EXTL3: variants seen among roughly 807,000 people sequenced by gnomAD.
EXTL3 encodes the protein exostosin like glycosyltransferase 3.
Under a neutral mutation model 69.3 loss-of-function variants are expected in EXTL3, and 27 were observed. That is an observed-to-expected ratio of 0.39 (90% CI 0.29 to 0.54). The LOEUF is 0.54. EXTL3 is among the 20% of genes least tolerant of loss of function. The pLI is 0.69. For synonymous variants in EXTL3, 511 were observed against 499.4 expected (o/e 1.02, Z -0.31); for missense variants, 1,003 against 1,231.8 (o/e 0.81, Z 2.78).
At chr8:28,618,838 A>C (rs1806362530), upstream of EXTL3, among the ~76,000 whole-genome samples, 1 of 151,790 alleles carries the variant, frequency 6.6e-6, no homozygotes, top group African/African-American at 2.4e-5. Context: ...TAATCCCAGC[A>C]CTTTGGGAGG....
intron 4 of EXTL3, among the ~76,000 whole-genome samples, chr8:28,731,634 GCAGGTGTATCATCCTTAAATC>G (rs528039354): frequency 2.4e-4 from 36 of 152,292 alleles, no homozygotes; most frequent in Middle Eastern, 3.4e-3. Flanking sequence ...TCCTGGTGCT[GCAGGTGTATCATCCTTAAATC>G]CAAACCACAT....
chr8:28,652,396 C>G (rs1341031518), intron 1 of EXTL3, among the ~76,000 whole-genome samples: 1 of 152,038 alleles, frequency 6.6e-6, no homozygotes, highest in African/African-American at 2.4e-5. Flanking sequence ...GTGGCTCATG[C>G]CTGTAAACCC....
intron 1 of EXTL3, among the ~76,000 whole-genome samples, chr8:28,652,039 CTGTG>C (rs34231513): frequency 1.4e-5 from 2 of 145,118 alleles, no homozygotes; most frequent in African/African-American, 5.4e-5. Flanking sequence ...GTGTGTGTGT[CTGTG>C]TGTGTGTGTG....
At chr8:28,626,193 A>G (rs543594576) in intron 1 of EXTL3, among the ~76,000 whole-genome samples, 9 of 151,742 alleles carry the variant, frequency 5.9e-5, no homozygotes, top group Non-Finnish European at 1.2e-4. Context: ...AAATTAAACT[A>G]AAAAAATTTT....
chr8:28,702,161 G>GC (rs968451872), intron 1 of EXTL3, among the ~76,000 whole-genome samples: 1 of 151,804 alleles, frequency 6.6e-6, no homozygotes, highest in Admixed American at 6.6e-5. Context: ...TCCCACATCT[G>GC]CCCCCCGCTT....
Position 28,670,746 on chromosome 8 carries a change from G to A in EXTL3, c.-52-42711G>A, listed in dbSNP as rs74770558. On this transcript the variant is annotated intron_variant, in intron 1 of 6. Transcript: ENST00000523149. ...CACAGCAGGCTTTACTCAGTCTCTC[G>A]ATTCCAATGTTAATGTCATCCCCAG... 6.2e-4 allele frequency among the ~76,000 whole-genome samples: 95 copies of A among 152,250 alleles called. 2 individuals carry two copies. In the East Asian group the frequency reaches 0.012, roughly 20 times the overall value.
At chr8:28,749,623 TTTCATTCA>T (rs139624117) in intron 6 of EXTL3, among the ~76,000 whole-genome samples, 43,324 of 150,478 alleles carry the variant, frequency 0.29, 6,318 homozygotes, top group African/African-American at 0.36. Context: ...CCTCTGAGGA[TTTCATTCA>T]TTCATTCATT....
At chr8:28,650,095 G>T (rs1038416420) in intron 1 of EXTL3, among the ~76,000 whole-genome samples, 81 of 150,942 alleles carry the variant, frequency 5.4e-4, no homozygotes, top group Non-Finnish European at 1.6e-4. Flanking sequence ...ACTCTGGAGG[G>T]TGAGGCAGGA....
At chr8:28,709,162 G>C (rs1025572511) in intron 1 of EXTL3, among the ~76,000 whole-genome samples, 12 of 152,180 alleles carry the variant, frequency 7.9e-5, no homozygotes, top group African/African-American at 2.9e-4. Flanking sequence ...CACATAACAT[G>C]GGTGACCCAT....
chr8:28,682,739 C>T (rs1243036677), intron 1 of EXTL3, among the ~76,000 whole-genome samples: 1 of 152,178 alleles, frequency 6.6e-6, no homozygotes, highest in African/African-American at 2.4e-5. Context: ...TCACTGCACC[C>T]AGGCTGCGGC....
Position 28,686,387 on chromosome 8 carries a change from C to G in EXTL3, c.-52-27070C>G, listed in dbSNP as rs756130033. ...TGAACCACTTAAGAATAGGTATCAC[C>G]CTTTATATGATAGTTTTTGAAGTGG... On this transcript the variant is annotated intron_variant, in intron 1 of 6. Transcript: ENST00000523149. Among the ~76,000 whole-genome samples, 4 of 151,726 alleles carry G rather than the reference C, an allele frequency of 2.6e-5. No homozygotes were observed. The South Asian group carries it at 8.3e-4, about 32-fold the overall frequency.
intron 1 of EXTL3, among the ~76,000 whole-genome samples, chr8:28,636,893 C>A (rs1049288570): frequency 5.9e-5 from 9 of 151,918 alleles, no homozygotes; most frequent in African/African-American, 1.9e-4. Flanking sequence ...TGCCTGTAAT[C>A]CCGGCTTGAA....
At chr8:28,679,729 TA>T (rs33956566) in intron 1 of EXTL3, among the ~76,000 whole-genome samples, 100,210 of 140,638 alleles carry the variant, frequency 0.71, 34,995 homozygotes, top group Admixed American at 0.73. Context: ...CCCTACCTCT[TA>T]AAAAAAAAAA....
chr8:28,634,286 C>A (rs191337403), intron 1 of EXTL3, among the ~76,000 whole-genome samples: 1 of 152,240 alleles, frequency 6.6e-6, no homozygotes, highest in Admixed American at 6.5e-5. Context: ...GTCCAAAGTT[C>A]TTCATTGTTC....
At chr8:28,659,084 A>G (rs1480161540) in intron 1 of EXTL3, among the ~76,000 whole-genome samples, 2 of 152,236 alleles carry the variant, frequency 1.3e-5, no homozygotes, top group African/African-American at 2.4e-5. Context: ...TACCAGGTCA[A>G]AGGAGATACT....
chr8:28,705,802 G>T (rs1483894114), intron 1 of EXTL3, among the ~76,000 whole-genome samples: 1 of 152,160 alleles, frequency 6.6e-6, no homozygotes, highest in Non-Finnish European at 1.5e-5. Context: ...GACCTTATTT[G>T]AAAACCTTGT....
intron 6 of EXTL3, among the ~76,000 whole-genome samples, chr8:28,744,458 G>C (rs1801842766): frequency 6.6e-6 from 1 of 151,974 alleles, no homozygotes; most frequent in South Asian, 2.1e-4. Context: ...AGGAGTTCGT[G>C]AGCAGCCTGG....
chr8:28,684,382 A>T (rs935844424), intron 1 of EXTL3, among the ~76,000 whole-genome samples: 2 of 152,124 alleles, frequency 1.3e-5, no homozygotes, highest in Admixed American at 1.3e-4. Context: ...ACTATCTATC[A>T]TCAGTGCTTT....
intron 1 of EXTL3, among the ~76,000 whole-genome samples, chr8:28,683,459 T>G (rs1807524916): frequency 6.6e-6 from 1 of 152,156 alleles, no homozygotes; most frequent in Non-Finnish European, 1.5e-5. Flanking sequence ...CCTCAAACAT[T>G]TATCCTTTAT....
Sources: allele counts gnomAD v4.1 joint callset (sites outside exome capture counted in the v4.1 genomes callset), GRCh38; gene constraint gnomAD v4.1.1; transcripts MANE v1.5; gene names NCBI Gene and HGNC (gene_info 2026-07-23, HGNC 2026-07-21).